Variants in RBM6 observed in about 807,000 individuals in gnomAD.
RBM6 encodes the protein RNA-binding protein 6.
RBM6 carries 23 observed loss-of-function variants against 140.4 expected under a neutral mutation model. The ratio of observed to expected loss-of-function variants is 0.16; its 90% CI spans 0.12 to 0.23. RBM6 has a LOEUF of 0.23. Among genes scored for constraint, RBM6 ranks in the 10% least tolerant of loss-of-function variants. RBM6 has a pLI of 1.00. For missense variants in RBM6, 1,139 were observed against 1,386.7 expected, an observed-to-expected ratio of 0.82 and a Z score of 2.84; for synonymous variants, 439 against 475.6, an observed-to-expected ratio of 0.92 and a Z score of 1.00.
At chr3:49,974,349 G>C (rs1250395003) in intron 4 of RBM6, among the ~76,000 whole-genome samples, 1 of 151,854 alleles carries the variant, frequency 6.6e-6, no homozygotes, top group Non-Finnish European at 1.5e-5. Flanking sequence ...TGGGATTATA[G>C]GTGTGAGCCA....
intron 6 of RBM6, among the ~76,000 whole-genome samples, chr3:50,015,289 G>A (rs2087070942): frequency 6.8e-6 from 1 of 147,298 alleles, no homozygotes; most frequent in African/African-American, 2.5e-5. Context: ...TGTATTTTTA[G>A]CAGAGGCGGG....
intron 1 of RBM6, among the ~76,000 whole-genome samples, chr3:49,957,008 G>T (rs2108602030): frequency 6.6e-6 from 1 of 151,966 alleles, no homozygotes; most frequent in East Asian, 1.9e-4. Context: ...TAAGAGGGAG[G>T]GTCTTGCTGT....
chr3:50,004,220 A>G (rs2086470539), intron 6 of RBM6, among the ~76,000 whole-genome samples: 1 of 152,020 alleles, frequency 6.6e-6, no homozygotes, highest in South Asian at 2.1e-4. Flanking sequence ...TGGGAGAGGT[A>G]TTTATTTCTC....
intron 8 of RBM6, among the ~76,000 whole-genome samples, chr3:50,056,198 A>C (rs765538778): frequency 2.0e-5 from 3 of 152,176 alleles, no homozygotes; most frequent in Non-Finnish European, 4.4e-5. Context: ...TTTGCTTGTT[A>C]GGTCACTTCA....
intron 6 of RBM6, among the ~76,000 whole-genome samples, chr3:50,044,291 ATG>A (rs892522243): frequency 7.2e-5 from 11 of 152,226 alleles, no homozygotes; most frequent in African/African-American, 2.4e-4. Context: ...AAATATTCTA[ATG>A]TGTGAAGATA....
At chr3:49,981,137 T>C (rs2085290148) in intron 5 of RBM6, among the ~76,000 whole-genome samples, 1 of 152,094 alleles carries the variant, frequency 6.6e-6, no homozygotes, top group Non-Finnish European at 1.5e-5. Context: ...ACTGACCTCA[T>C]GATTCGTCCA....
intron 7 of RBM6, among the ~76,000 whole-genome samples, chr3:50,053,415 C>T (rs1205529788): frequency 3.9e-5 from 6 of 152,152 alleles, no homozygotes; most frequent in South Asian, 4.1e-4. Context: ...CCTGTAATCC[C>T]GGCTACTCGG....
chr3:50,071,509 G>A (rs2090295251), intron 19 of RBM6, among the ~76,000 whole-genome samples: 1 of 142,746 alleles, frequency 7.0e-6, no homozygotes, highest in South Asian at 2.1e-4. Flanking sequence ...CCTGAGTGAA[G>A]GTGATGAGTC....
At chr3:49,980,556 T>C (rs1475662928) in intron 5 of RBM6, among the ~76,000 whole-genome samples, 1 of 151,460 alleles carries the variant, frequency 6.6e-6, no homozygotes, top group Admixed American at 6.6e-5. Context: ...GGTCAGGAGT[T>C]TGAGACCAGC....
intron 6 of RBM6, among the ~76,000 whole-genome samples, chr3:50,012,847 A>G (rs981459947): frequency 7.3e-5 from 11 of 149,894 alleles, no homozygotes; most frequent in Admixed American, 3.3e-4. Context: ...GGTTCAAGCA[A>G]TTCTCCTGCC....
At chr3:49,957,331 A>G (rs2084042839) in intron 1 of RBM6, among the ~76,000 whole-genome samples, 1 of 146,406 alleles carries the variant, frequency 6.8e-6, no homozygotes, top group Non-Finnish European at 1.5e-5. Flanking sequence ...TTTTTGAAGT[A>G]GAGAGAGTCT....
intron 5 of RBM6, among the ~76,000 whole-genome samples, chr3:49,989,703 A>T (rs2085728710): frequency 6.6e-6 from 1 of 152,198 alleles, no homozygotes; most frequent in South Asian, 2.1e-4. Flanking sequence ...AAAACTCCCA[A>T]GAAAATTTCC....
chr3:50,008,411 G>A (rs189640872), intron 6 of RBM6, among the ~76,000 whole-genome samples: 2 of 152,030 alleles, frequency 1.3e-5, no homozygotes, highest in East Asian at 1.9e-4. Flanking sequence ...TTCAGGGGTC[G>A]TACAAAGGCA....
intron 4 of RBM6, among the ~76,000 whole-genome samples, chr3:49,974,978 C>T (rs571033944): frequency 1.3e-5 from 2 of 151,808 alleles, no homozygotes; most frequent in South Asian, 2.1e-4. Context: ...TGAGCCACCA[C>T]GCCCGGTCTC....
chr3:50,035,766 A>ATT (rs113626049), intron 6 of RBM6, among the ~76,000 whole-genome samples: 33 of 147,682 alleles, frequency 2.2e-4, no homozygotes, highest in African/African-American at 7.4e-4. Flanking sequence ...ATTTAAAAAA[A>ATT]TTTTTTTTTT....
In RBM6 at chr3:49,947,109, G is replaced by A. The variant is rs540172901; in HGVS notation, c.-67+6884G>A. 1.8e-3 allele frequency among the ~76,000 whole-genome samples: 278 copies of A among 150,532 alleles called. 3 individuals carry two copies. The highest frequency in any genetic ancestry group is 6.1e-3 in the African/African-American group (252 of 41,196). On this transcript the variant is annotated intron_variant, in intron 1 of 20. Transcript: ENST00000266022. ...AAAAAAAAAAAAAAAAAAATTAGCC[G>A]GGCGCAGTGGCAGGCGCCTGTAGTC...
Position 50,015,526 on chromosome 3 carries a change from G to A in RBM6, c.1557+16013G>A, listed in dbSNP as rs554927629. 1.4e-3 allele frequency among the ~76,000 whole-genome samples: 214 copies of A among 151,436 alleles called. 2 individuals carry two copies. The highest frequency in any genetic ancestry group is 5.1e-3 in the African/African-American group (209 of 41,264). ...GATCACTGCAAGCTCCGCCTCCTGG[G>A]TTCATGCCATTCTCCTGCCTCAGCC... On this transcript the variant is annotated intron_variant, in intron 6 of 20. Transcript: ENST00000266022.
At position 49,963,828 on chromosome 3, in the gene RBM6, A is replaced by G. The variant is rs554002439; in HGVS notation, c.44+1143A>G. Among the ~76,000 whole-genome samples, 6 of 152,304 alleles carry G rather than the reference A, an allele frequency of 3.9e-5. No individual in the cohort carries two copies. In the South Asian group the frequency reaches 1.0e-3, roughly 26 times the overall value. ...GTTTTACTTGGTACATAGCAAATAA[A>G]TCTGACCTTTAAATGTATGCATTCA... On this transcript the variant is annotated intron_variant, in intron 2 of 20. Transcript: ENST00000266022.
At position 50,066,366 on chromosome 3, in the gene RBM6, G is replaced by T; in HGVS notation, c.2807G>T (p.Arg936Leu). The T allele has an allele frequency of 6.2e-7, 1 of 1,614,080 alleles. No homozygotes were observed. Among genetic ancestry groups the T allele is most frequent in the Non-Finnish European group, 8.5e-7 (1 of 1,180,022 alleles). ...PQPRTAQPQK[R>L]EEQTKKENEE... ...CCCCGCACAGCACAGCCCCAGAAGCGAGAGGAGCAAACCAAGAAGGAGAAT... is the reference window on the plus strand; with the variant it reads ...CCCCGCACAGCACAGCCCCAGAAGCTAGAGGAGCAAACCAAGAAGGAGAAT... The change falls in exon 17 of 21, where the codon CGA becomes CTA. Residue 936 changes from arginine (R) to leucine (L), a missense_variant. Around this residue, in one of 9 missense-constraint regions of RBM6, gnomAD observed 23 missense variants for 19.2 expected, o/e 1.20. Coordinates refer to ENST00000266022, the MANE Select transcript of RBM6 (RefSeq NM_005777.3).
Sources: gnomAD v4.1 joint callset for allele counts (sites outside exome capture counted in the v4.1 genomes callset) on GRCh38, gnomAD v4.1.1 for gene constraint, gnomAD v4.1.1 regional missense constraint, MANE v1.5 for transcripts, NCBI Gene and HGNC (gene_info 2026-07-23, HGNC 2026-07-21) for gene names.